The following DNAJC15 variants were observed in gnomAD, a reference collection of about 807,000 sequenced individuals.
The protein encoded by DNAJC15 is dnaJ homolog subfamily C member 15.
A neutral mutation model predicts 22.4 loss-of-function variants in DNAJC15; 27 were observed. The ratio of observed to expected loss-of-function variants is 1.20; its 90% CI spans 0.89 to 1.66. The LOEUF is 1.66. DNAJC15 is among the 40% of genes most tolerant of loss of function. DNAJC15 has a pLI of 0.00. For missense variants in DNAJC15, 208 were observed against 187.1 expected, an observed-to-expected ratio of 1.11 and a Z score of -0.65; for synonymous variants, 79 against 63.2, an observed-to-expected ratio of 1.25 and a Z score of -1.19.
In DNAJC15 at chr13:43,059,451, G is replaced by A. The variant is rs183348920; in HGVS notation, c.109-6235G>A. Among the ~76,000 whole-genome samples the A allele has an allele frequency of 3.0e-3, 450 of 152,142 alleles. 1 individual carries two copies. The highest frequency in any genetic ancestry group is 0.01 in the African/African-American group (431 of 41,520). On this transcript the variant is annotated intron_variant, in intron 1 of 5. Transcript: ENST00000379221. ...TGCAACGGCGCAATCTCGGCTCACC[G>A]CTTCCCGGGTTCAAGCGATTCTCCT...
chr13:43,093,427 T>C (rs1284089691), intron 5 of DNAJC15, among the ~76,000 whole-genome samples: 1 of 152,216 alleles, frequency 6.6e-6, no homozygotes, highest in Non-Finnish European at 1.5e-5. Context: ...TTTGTTTTCA[T>C]TGAGACAGGG....
chr13:43,024,943 C>T (rs976802677), intron 1 of DNAJC15, among the ~76,000 whole-genome samples: 4 of 138,570 alleles, frequency 2.9e-5, no homozygotes, highest in Non-Finnish European at 6.2e-5. Context: ...AGCCTGTAGT[C>T]CTAGCTGCTT....
At chr13:43,070,822 G>A (rs1196542820) in intron 3 of DNAJC15, among the ~76,000 whole-genome samples, 1 of 152,076 alleles carries the variant, frequency 6.6e-6, no homozygotes, top group Admixed American at 6.6e-5. Flanking sequence ...GGAAGGGTTT[G>A]AGCATGGAGG....
chr13:43,045,642 T>G (rs1222630025), intron 1 of DNAJC15, among the ~76,000 whole-genome samples: 1 of 152,200 alleles, frequency 6.6e-6, no homozygotes, highest in Admixed American at 6.5e-5. Flanking sequence ...TTTTAACTAC[T>G]AGGTTTAGGC....
At chr13:43,027,092 A>C (rs2040383908) in intron 1 of DNAJC15, among the ~76,000 whole-genome samples, 1 of 152,230 alleles carries the variant, frequency 6.6e-6, no homozygotes, top group African/African-American at 2.4e-5. Flanking sequence ...TTGCACTAGC[A>C]AAGCTGTTTC....
rs2040821110 is a variant in DNAJC15, at chr13:43,110,789, A to G, written c.*3541A>G. The stretch of plus-strand genomic sequence containing the variant: ...ACAAGTACAGTTGCAGATATTCAGG[A>G]GTAATTATCTAAATGGCAGTAGGCT... On this transcript the variant is annotated 3_prime_UTR_variant, in exon 6 of 6. Transcript: ENST00000379221. The G allele has an allele frequency of 6.6e-6, 1 of 152,196 alleles. No homozygotes were observed. The highest frequency in any genetic ancestry group is 2.1e-4 in the South Asian group (1 of 4,828). The allele number at this position is 152,196 out of a possible 1,614,324, so 9.4% of individuals were successfully genotyped here.
At chr13:43,078,013 C>G (rs186650570) in intron 3 of DNAJC15, among the ~76,000 whole-genome samples, 56 of 152,320 alleles carry the variant, frequency 3.7e-4, no homozygotes, top group Admixed American at 3.2e-3. Flanking sequence ...TATTCCAGTG[C>G]TCTGGCTTCT....
In DNAJC15 at chr13:43,090,853, G is replaced by A. The variant is rs562746089; in HGVS notation, c.382+5015G>A. Among the ~76,000 whole-genome samples the A allele has an allele frequency of 5.9e-5, 9 of 151,454 alleles. No homozygotes were observed. In the South Asian group the frequency reaches 1.3e-3, roughly 21 times the overall value. ...CTCCTGAGTAGCTGGAACTACAGGC[G>A]CCCACCACCACACCTGGCTAATTTT... On this transcript the variant is annotated intron_variant, in intron 5 of 5. Coordinates refer to ENST00000379221, the MANE Select transcript of DNAJC15 (RefSeq NM_013238.3).
In DNAJC15 at chr13:43,024,343, T is replaced by TG. The variant is rs1415897444; in HGVS notation, c.108+609_108+610insG. ...GCCACATACGTATTTTTACGTTTTT[T>TG]TTTTTTTTTTTTTTTTTTGAGACGG... On this transcript the variant is annotated intron_variant, in intron 1 of 5. Coordinates refer to ENST00000379221, the MANE Select transcript of DNAJC15 (RefSeq NM_013238.3). Among the ~76,000 whole-genome samples the TG allele has an allele frequency of 1.2e-4, 9 of 72,374 alleles. No homozygotes were observed. The South Asian group carries it at 1.4e-3, about 11-fold the overall frequency. The allele number at this position is 72,374 out of a possible 152,430, so 47.5% of individuals were successfully genotyped here. A position where few individuals can be genotyped will look rare whatever the true frequency, so the allele number is the denominator to read the frequency against.
intron 5 of DNAJC15, among the ~76,000 whole-genome samples, chr13:43,088,600 T>G (rs2040700098): frequency 6.6e-6 from 1 of 152,208 alleles, no homozygotes; most frequent in South Asian, 2.1e-4. Context: ...ATTAGAGTGT[T>G]TAAGTCAAAA....
At chr13:43,030,152 A>G (rs1487399111) in intron 1 of DNAJC15, among the ~76,000 whole-genome samples, 2 of 152,190 alleles carry the variant, frequency 1.3e-5, no homozygotes, top group Non-Finnish European at 2.9e-5. Context: ...TTGCTTATTA[A>G]TATCTCCAAT....
chr13:43,037,599 C>A (rs2153439678), intron 1 of DNAJC15, among the ~76,000 whole-genome samples: 1 of 152,048 alleles, frequency 6.6e-6, no homozygotes, highest in African/African-American at 2.4e-5. Flanking sequence ...CTTCCTTTTT[C>A]TTTTTTTAAT....
rs1171752163 is a variant in DNAJC15, at chr13:43,052,424, C to CT, written c.109-13252dup. ...AATTGTCTGTTCATGTCTTAGCCCA[C>CT]TTTTTTTTTTGAGACAGAGTCTCAC... On this transcript the variant is annotated intron_variant, in intron 1 of 5. Transcript: ENST00000379221. Among the ~76,000 whole-genome samples, 1,349 of 147,866 alleles carry CT rather than the reference C, an allele frequency of 9.1e-3. 27 individuals are homozygous for CT. Among genetic ancestry groups the CT allele is most frequent in the African/African-American group, 0.029 (1,162 of 40,500 alleles).
At chr13:43,034,661 G>A (rs1446134214) in intron 1 of DNAJC15, among the ~76,000 whole-genome samples, 1 of 152,078 alleles carries the variant, frequency 6.6e-6, no homozygotes, top group East Asian at 1.9e-4. Context: ...TATTAGTTTG[G>A]TTTCATGGAT....
At chr13:43,088,610 A>C (rs929405769) in intron 5 of DNAJC15, among the ~76,000 whole-genome samples, 1 of 152,216 alleles carries the variant, frequency 6.6e-6, no homozygotes, top group Non-Finnish European at 1.5e-5. Context: ...TTAAGTCAAA[A>C]TTAAATATTG....
At position 43,078,968 on chromosome 13, in the gene DNAJC15, A is replaced by G. The variant is rs1593324476; in HGVS notation, c.311+280A>G. ...AATACTGATGTTTCAGTTAACCAAA[A>G]TATCCTTTTTTGTGACATTCTCTCT... On this transcript the variant is annotated intron_variant, in intron 4 of 5. Coordinates refer to ENST00000379221, the MANE Select transcript of DNAJC15 (RefSeq NM_013238.3). The G allele has an allele frequency of 1.4e-5, 3 of 207,794 alleles. No homozygotes were observed. In the East Asian group the frequency reaches 3.0e-4, roughly 21 times the overall value. The allele number at this position is 207,794 out of a possible 1,614,324, so 12.9% of individuals were successfully genotyped here.
At chr13:43,035,622 A>G (rs1191829997) in intron 1 of DNAJC15, among the ~76,000 whole-genome samples, 1 of 152,222 alleles carries the variant, frequency 6.6e-6, no homozygotes, top group Non-Finnish European at 1.5e-5. Context: ...CATTACTATA[A>G]GTACTTAAGA....
At chr13:43,074,094 T>C (rs1168258262) in intron 3 of DNAJC15, among the ~76,000 whole-genome samples, 2 of 152,152 alleles carry the variant, frequency 1.3e-5, no homozygotes, top group African/African-American at 4.8e-5. Context: ...AAATCATCCT[T>C]TGTTAGCTTT....
At position 43,078,578 on chromosome 13, in the gene DNAJC15, A is replaced by G. The variant is rs374619780; in HGVS notation, c.235-34A>G. 67 of 1,587,460 alleles carry G rather than the reference A, an allele frequency of 4.2e-5. No individual in the cohort carries two copies. The African/African-American group carries it at 7.5e-4, about 18-fold the overall frequency. ...GAGGTCATGCCACCTCATACGTGGA[A>G]CTAATGATTTCTTGCTCTTTCTTTC... On this transcript the variant is annotated intron_variant, in intron 3 of 5. Transcript: ENST00000379221.
Sources: allele counts gnomAD v4.1 joint callset (sites outside exome capture counted in the v4.1 genomes callset), GRCh38; gene constraint gnomAD v4.1.1; transcripts MANE v1.5; gene names NCBI Gene and HGNC (gene_info 2026-07-23, HGNC 2026-07-21).